The following LRP1B variants were observed in gnomAD, a reference collection of about 807,000 sequenced individuals.
LRP1B encodes LDL receptor related protein 1B.
LRP1B carries 217 observed loss-of-function variants against 556.6 expected under a neutral mutation model. That is an observed-to-expected ratio of 0.39 (90% CI 0.35 to 0.44). The LOEUF is 0.44. Among genes scored for constraint, LRP1B ranks in the 20% least tolerant of loss-of-function variants. The pLI is 1.00. For synonymous variants in LRP1B, 2,047 were observed against 1,865.8 expected (o/e 1.10, Z -2.50); for missense variants, 5,053 against 5,620.8 (o/e 0.90, Z 3.23).
intron 32 of LRP1B, among the ~76,000 whole-genome samples, chr2:140,795,093 C>A (rs10928073): frequency 1.3e-5 from 2 of 151,852 alleles, no homozygotes; most frequent in African/African-American, 4.8e-5. Context: ...AATTTCTTAG[C>A]GGTCCTCACC....
chr2:140,660,940 G>T (rs1395457942), intron 41 of LRP1B, among the ~76,000 whole-genome samples: 1 of 148,594 alleles, frequency 6.7e-6, no homozygotes. Flanking sequence ...GTATGCTTTT[G>T]TCAAATGTTT....
intron 11 of LRP1B, among the ~76,000 whole-genome samples, chr2:141,021,361 A>G (rs1224543686): frequency 6.8e-6 from 1 of 147,120 alleles, no homozygotes; most frequent in Non-Finnish European, 1.5e-5. Flanking sequence ...ATCTGATCTA[A>G]CTGAAAATTC....
At chr2:140,708,512 A>T (rs1686920264) in intron 37 of LRP1B, among the ~76,000 whole-genome samples, 1 of 151,134 alleles carries the variant, frequency 6.6e-6, no homozygotes, top group African/African-American at 2.4e-5. Flanking sequence ...ATATGTATAT[A>T]TATATACACA....
At chr2:142,128,398 G>A (rs1388850783) in intron 1 of LRP1B, among the ~76,000 whole-genome samples, 1 of 152,160 alleles carries the variant, frequency 6.6e-6, no homozygotes, top group Non-Finnish European at 1.5e-5. Flanking sequence ...ATTCAAGGAC[G>A]ATTGACATAA....
intron 1 of LRP1B, among the ~76,000 whole-genome samples, chr2:142,033,552 C>A (rs1703775267): frequency 6.6e-6 from 1 of 151,746 alleles, no homozygotes; most frequent in South Asian, 2.1e-4. Flanking sequence ...TGTTGGCACT[C>A]ACCCAAGAAG....
chr2:140,437,121 A>T (rs185004926), intron 66 of LRP1B, among the ~76,000 whole-genome samples: 203 of 152,240 alleles, frequency 1.3e-3, no homozygotes, highest in Non-Finnish European at 2.5e-3. Flanking sequence ...ACTTGAAGAG[A>T]GCGAAACCCA....
intron 2 of LRP1B, among the ~76,000 whole-genome samples, chr2:141,749,507 G>T (rs1042345752): frequency 1.3e-5 from 2 of 152,136 alleles, no homozygotes; most frequent in Non-Finnish European, 2.9e-5. Context: ...TGAATCTAAT[G>T]ATAGGAATAC....
chr2:140,370,534 G>A (rs188374297), intron 71 of LRP1B, among the ~76,000 whole-genome samples, 176 bp downstream of exon 71: 1 of 152,058 alleles, frequency 6.6e-6, no homozygotes, highest in East Asian at 1.9e-4. Context: ...TACTCTGTCT[G>A]ACAATGATCT....
At chr2:140,561,487 C>A (rs1414729985) in intron 43 of LRP1B, among the ~76,000 whole-genome samples, 1 of 152,128 alleles carries the variant, frequency 6.6e-6, no homozygotes, top group Non-Finnish European at 1.5e-5. Flanking sequence ...GTTCCCATGT[C>A]ACGTAAAGCT....
At chr2:141,588,409 G>T (rs1257822113) in intron 2 of LRP1B, among the ~76,000 whole-genome samples, 2 of 151,988 alleles carry the variant, frequency 1.3e-5, no homozygotes, top group African/African-American at 4.8e-5. Context: ...CTGTCATTTT[G>T]CCCTGTTTAT....
intron 3 of LRP1B, among the ~76,000 whole-genome samples, chr2:141,273,792 T>C (rs1219932399): frequency 6.6e-6 from 1 of 152,292 alleles, no homozygotes; most frequent in African/African-American, 2.4e-5. Flanking sequence ...AAACAATTCA[T>C]ACAATGCGAG....
At chr2:141,997,415 ATGTGTG>A (rs138233497) in intron 1 of LRP1B, among the ~76,000 whole-genome samples, 108,414 of 138,156 alleles carry the variant, frequency 0.78, 42,747 homozygotes, top group East Asian at 0.94. Context: ...AAATGTATAT[ATGTGTG>A]TGTGTGTGTG....
intron 2 of LRP1B, among the ~76,000 whole-genome samples, chr2:141,624,953 A>T (rs1688652533): frequency 6.6e-6 from 1 of 151,980 alleles, no homozygotes; most frequent in African/African-American, 2.4e-5. Context: ...GTATTTTAGT[A>T]GAGTCGGGGT....
intron 6 of LRP1B, among the ~76,000 whole-genome samples, chr2:141,216,422 C>T (rs763753507): frequency 2.0e-5 from 3 of 152,210 alleles, no homozygotes; most frequent in African/African-American, 7.2e-5. Context: ...GGAGGCTGCA[C>T]AGAGAACTTC....
intron 2 of LRP1B, among the ~76,000 whole-genome samples, chr2:141,650,839 A>G (rs149021491): frequency 2.0e-5 from 3 of 152,328 alleles, no homozygotes; most frequent in East Asian, 1.9e-4. Context: ...TCCCGAATTT[A>G]TCTTAAATAT....
intron 60 of LRP1B, among the ~76,000 whole-genome samples, chr2:140,464,985 C>A (rs1687483353): frequency 6.6e-6 from 1 of 152,156 alleles, no homozygotes; most frequent in Admixed American, 6.5e-5. Flanking sequence ...TTAGACCATT[C>A]TGGCATTTCT....
chr2:141,834,735 T>C (rs1329660955), intron 1 of LRP1B, among the ~76,000 whole-genome samples: 1 of 151,894 alleles, frequency 6.6e-6, no homozygotes, highest in Non-Finnish European at 1.5e-5. Context: ...GATCAGAAGT[T>C]GCACAGTTGG....
chr2:140,550,188 T>C (rs888164600), intron 43 of LRP1B, among the ~76,000 whole-genome samples: 8 of 152,066 alleles, frequency 5.3e-5, no homozygotes, highest in Admixed American at 4.6e-4. Flanking sequence ...GGATTGAAAA[T>C]TGCAACCCCA....
At chr2:141,179,263 T>C (rs1305631199) in intron 7 of LRP1B, among the ~76,000 whole-genome samples, 1 of 152,006 alleles carries the variant, frequency 6.6e-6, no homozygotes, top group Admixed American at 6.6e-5. Flanking sequence ...ACTAATTATT[T>C]AGGTATGTGT....
Sources: gnomAD v4.1 joint callset for allele counts (sites outside exome capture counted in the v4.1 genomes callset) on GRCh38, gnomAD v4.1.1 for gene constraint, MANE v1.5 for transcripts, NCBI Gene and HGNC (gene_info 2026-07-23, HGNC 2026-07-21) for gene names.